Variants in TRPV1 observed in about 807,000 individuals in gnomAD.
The protein encoded by TRPV1 is OTRPC1.
A neutral mutation model predicts 82.3 loss-of-function variants in TRPV1; 82 were observed. The observed-to-expected ratio is 1.00, with a 90% CI of 0.83 to 1.20. The LOEUF is 1.20. Among genes scored for constraint, TRPV1 ranks in the 50% most tolerant of loss-of-function variants. The pLI, the probability that TRPV1 is intolerant of heterozygous loss-of-function variation, is 0.00. For synonymous variants in TRPV1, 515 were observed against 467.7 expected (o/e 1.10, Z -1.30); for missense variants, 1,067 against 1,096.8 (o/e 0.97, Z 0.38).
intron 14 of TRPV1, 40 bp from the exon 15 acceptor site, chr17:3,572,289 A>G: frequency 6.3e-7 from 1 of 1,576,966 alleles, no homozygotes; most frequent in Non-Finnish European, 8.6e-7. Context: ...TGAGGGGCAG[A>G]GGGTGCATCC....
rs116679461 is a variant in TRPV1 at position 3,567,649 on chromosome 17, C to T, written c.2348-662G>A. Among the ~76,000 whole-genome samples the T allele has an allele frequency of 3.9e-3, 587 of 152,072 alleles. 5 individuals carry two copies. Among genetic ancestry groups the T allele is most frequent in the African/African-American group, 0.013 (543 of 41,480 alleles). ...AGAGAGGGTCTCCACAGAGCAACGC[C>T]GAGGCCTGTCCTGTGAGTGGCTCAA... On this transcript the variant is annotated intron_variant, in intron 16 of 16. Coordinates refer to ENST00000572705, the MANE Select transcript of TRPV1 (RefSeq NM_080704.4).
intron 10 of TRPV1, among the ~76,000 whole-genome samples, chr17:3,581,869 A>AGT: frequency 7.6e-6 from 1 of 132,150 alleles, no homozygotes; most frequent in Non-Finnish European, 1.6e-5. Flanking sequence ...TGGGCAACTA[A>AGT]GCGAGACTCC....
chr17:3,576,987 TCCTCTGTCCAC>T (rs2150832003), intron 13 of TRPV1, 128 bp downstream of exon 13: 1 of 804,922 alleles, frequency 1.2e-6, no homozygotes, highest in South Asian at 1.8e-5. Flanking sequence ...TTTCAGTGTG[TCCTCTGTCCAC>T]CCTCTCAGTC....
chr17:3,577,650 T>C lies in TRPV1; in HGVS notation c.1661A>G (p.Tyr554Cys). The change falls in exon 12 of 17, where the codon TAC becomes TGC. Residue 554 changes from tyrosine (Y) to cysteine (C), a missense_variant. By Grantham distance (194) the Tyr-to-Cys change is radical. Transcript: ENST00000572705. ...CATCTGCTGGAAACCGCGGGTGTAG[T>C]AGAGCATGTTGGTCCAGCCCAAGGC... Reference protein sequence around the residue: ...SLALGWTNMLYYTRGFQQMGI... With the variant: ...SLALGWTNMLCYTRGFQQMGI... The C allele has an allele frequency of 6.3e-7, 1 of 1,586,020 alleles. No individual in the cohort carries two copies. Among genetic ancestry groups the C allele is most frequent in the South Asian group, 1.2e-5 (1 of 86,578 alleles).
chr17:3,577,312 G>T, intron 12 of TRPV1, 120 bp from the exon 13 acceptor site: 1 of 1,123,136 alleles, frequency 8.9e-7, no homozygotes, highest in South Asian at 1.4e-5. Flanking sequence ...TTGCTTTGCT[G>T]GTTCTCAGCT....
At chr17:3,583,568 T>A in intron 9 of TRPV1, 138 bp from the exon 10 acceptor site, 1 of 739,856 alleles carries the variant, frequency 1.4e-6, no homozygotes. Context: ...GACAGTGTGT[T>A]ATTAGGGGAG....
At chr17:3,589,765 C>T (rs202139586) in intron 7 of TRPV1, 42 bp downstream of exon 7, 1 of 1,569,508 alleles carries the variant, frequency 6.4e-7, no homozygotes, top group Non-Finnish European at 8.6e-7. Context: ...CCCATGCCAT[C>T]AGCCCCGCAC....
At chr17:3,588,686 T>C (rs2075114370) in intron 7 of TRPV1, among the ~76,000 whole-genome samples, 1 of 152,048 alleles carries the variant, frequency 6.6e-6, no homozygotes, top group African/African-American at 2.4e-5. Context: ...TGGTGGCGTG[T>C]TCCTGTAATC....
At chr17:3,592,739 T>G in intron 2 of TRPV1, 12 of 191,026 alleles carry the variant, frequency 6.3e-5, no homozygotes, top group South Asian at 1.1e-4. Context: ...ACCACCGCGC[T>G]GCCTCCCTCC....
chr17:3,573,810 G>A lies in TRPV1; in HGVS notation c.1926C>T (p.Thr642=). Residue 642 remains threonine, a synonymous_variant, in exon 14 of 17, where the codon ACC becomes ACT. Transcript: ENST00000572705. Reference sequence around the variant, plus strand: ...TGAACTCCAGGTCGCCCATGCCGATGGTGAACTTGAACAGCTCCAGGCAGG... The same window carrying A: ...TGAACTCCAGGTCGCCCATGCCGATAGTGAACTTGAACAGCTCCAGGCAGG... ...YSTCLELFKF[T]IGMGDLEFTE... 6.2e-7 allele frequency: 1 copy of A among 1,613,870 alleles called. No homozygotes were observed. The highest frequency in any genetic ancestry group is 1.1e-5 in the South Asian group (1 of 91,068).
Position 3,577,137 on chromosome 17 carries a change from C to T in TRPV1, c.1769G>A (p.Gly590Glu). ...FMFVYIVFLF[G>E]FSTAVVTLIE... ...ACCAAGCTCATTACCTGTGGAAAAC[C>T]CGAACAAGAAGACGATGTAGACAAA... Residue 590 changes from glycine (G) to glutamate (E), a missense_variant, in exon 13 of 17, where the codon GGG becomes GAG. Gly to Glu is a moderately conservative substitution (Grantham distance 98). Coordinates refer to ENST00000572705, the MANE Select transcript of TRPV1 (RefSeq NM_080704.4). The T allele has an allele frequency of 1.3e-6, 2 of 1,586,630 alleles. No homozygotes were observed. The highest frequency in any genetic ancestry group is 1.3e-5 in the African/African-American group (1 of 74,414).
chr17:3,572,526 C>T (rs923749885), intron 14 of TRPV1, among the ~76,000 whole-genome samples: 6 of 152,204 alleles, frequency 3.9e-5, no homozygotes, highest in Non-Finnish European at 8.8e-5. Context: ...AGGCCCCAGA[C>T]CCTGCCCTGA....
chr17:3,568,551 G>A (rs1271445032), intron 16 of TRPV1, among the ~76,000 whole-genome samples: 1 of 152,108 alleles, frequency 6.6e-6, no homozygotes, highest in Non-Finnish European at 1.5e-5. Context: ...TTCTAAAAAT[G>A]AGCCTTTGAT....
chr17:3,601,165 CCTT>C (rs2075259828), intron 2 of TRPV1, among the ~76,000 whole-genome samples: 1 of 152,048 alleles, frequency 6.6e-6, no homozygotes, highest in Non-Finnish European at 1.5e-5. Context: ...TCCAGCCTCT[CCTT>C]CTCGGCCCTC....
In TRPV1 at chr17:3,592,186, C is replaced by G. The variant is rs757746238; in HGVS notation, c.165G>C (p.Ser55=). 6.2e-7 allele frequency: 1 copy of G among 1,613,496 alleles called. No individual in the cohort carries two copies. The highest frequency in any genetic ancestry group is 8.5e-7 in the Non-Finnish European group (1 of 1,179,678). The change falls in exon 3 of 17, where the codon TCG becomes TCC. Residue 55 remains serine, a synonymous_variant. Coordinates refer to ENST00000572705, the MANE Select transcript of TRPV1 (RefSeq NM_080704.4). ...SRTRLFGKGD[S]EEAFPVDCPH... ...GGCAATCCACCGGGAAAGCCTCCTC[C>G]GAGTCACCCTTCCCAAAGAGCCGGG...
chr17:3,571,261 G>A (rs1487578060), intron 16 of TRPV1, among the ~76,000 whole-genome samples: 2 of 152,240 alleles, frequency 1.3e-5, no homozygotes, highest in East Asian at 1.9e-4. Context: ...CTGAGGACAG[G>A]TGCCTGGGCT....
intron 16 of TRPV1, among the ~76,000 whole-genome samples, chr17:3,570,844 G>A (rs1235529075): frequency 1.3e-5 from 2 of 152,098 alleles, no homozygotes; most frequent in African/African-American, 2.4e-5. Context: ...CTCCCGAGTA[G>A]CTGGGATTAC....
In TRPV1 at chr17:3,573,488, T is replaced by C. The variant is rs1464253454; in HGVS notation, c.2103+145A>G. The stretch of plus-strand genomic sequence containing the variant: ...TGCAGGGCTCATGTGCCCAGCTGGG[T>C]AAGGCAGCGGATAGAGAGGCCCATA... On this transcript the variant is annotated intron_variant, in intron 14 of 16. Coordinates refer to ENST00000572705, the MANE Select transcript of TRPV1 (RefSeq NM_080704.4). 1.1e-5 allele frequency: 10 copies of C among 886,534 alleles called. 1 individual carries two copies. In the South Asian group the frequency reaches 1.7e-4, roughly 15 times the overall value. The allele number at this position is 886,534 out of a possible 1,614,324, so 54.9% of individuals were successfully genotyped here.
intron 10 of TRPV1, among the ~76,000 whole-genome samples, chr17:3,580,964 A>G (rs940937555): frequency 6.6e-6 from 1 of 151,512 alleles, no homozygotes; most frequent in Non-Finnish European, 1.5e-5. Flanking sequence ...GGCTGCAGTG[A>G]GCCAAGATCA....
Sources: gnomAD v4.1 joint callset for allele counts (sites outside exome capture counted in the v4.1 genomes callset) on GRCh38, gnomAD v4.1.1 for gene constraint, MANE v1.5 for transcripts, NCBI Gene and HGNC (gene_info 2026-07-23, HGNC 2026-07-21) for gene names.